TRAF7: variants seen among roughly 807,000 people sequenced by gnomAD.
TRAF7 encodes the protein E3 ubiquitin-protein ligase TRAF7.
TRAF7 carries 45 observed loss-of-function variants against 89.3 expected under a neutral mutation model. The observed-to-expected ratio is 0.50, with a 90% CI of 0.40 to 0.65. The LOEUF is 0.65. Ranked by LOEUF, TRAF7 falls within the 30% of genes least tolerant of loss-of-function variation. The pLI is 0.00. For synonymous variants in TRAF7, 406 were observed against 369.2 expected (o/e 1.10, Z -1.14); for missense variants, 677 against 918.1 (o/e 0.74, Z 3.39).
intron 2 of TRAF7, among the ~76,000 whole-genome samples, chr16:2,164,585 A>C (rs35816): frequency 7.4e-5 from 2 of 27,048 alleles, no homozygotes; most frequent in Admixed American, 4.4e-4. Flanking sequence ...TGTTAGTGCT[A>C]CGTGGCGCGG....
intron 3 of TRAF7, among the ~76,000 whole-genome samples, chr16:2,167,328 G>A (rs1477320123): frequency 7.2e-6 from 1 of 139,690 alleles, no homozygotes; most frequent in Non-Finnish European, 1.6e-5. Context: ...GCCTCTCGAG[G>A]CCTCAATCTC....
Position 2,162,020 on chromosome 16 carries a change from C to T in TRAF7, c.-38-1863C>T, listed in dbSNP as rs1043493370. ...CTGGGTCACACAGGGCCAAGCCCCT[C>T]GAGTCGCAGTGGGGCCTGGGGAAGG... On this transcript the variant is annotated intron_variant, in intron 1 of 20. Coordinates refer to ENST00000326181, the MANE Select transcript of TRAF7 (RefSeq NM_032271.3). The surrounding 1 kb of genome is among the most constrained non-coding windows in gnomAD (Gnocchi z 5.0). 6.6e-6 allele frequency among the ~76,000 whole-genome samples: 1 copy of T among 152,180 alleles called. No individual in the cohort carries two copies. Among genetic ancestry groups the T allele is most frequent in the Non-Finnish European group, 1.5e-5 (1 of 68,032 alleles).
chr16:2,175,994 C>T (rs372471176), intron 18 of TRAF7, 41 bp downstream of exon 18: 7 of 1,611,770 alleles, frequency 4.3e-6, no homozygotes, highest in Non-Finnish European at 5.9e-6. Context: ...GACTGTGGCC[C>T]CGTCTCCCCC....
rs2093065909 is a variant in TRAF7 at position 2,163,569 on chromosome 16, A to G, written c.-38-314A>G. The G allele has an allele frequency of 9.4e-5, 32 of 342,074 alleles. No individual in the cohort carries two copies. The highest frequency in any genetic ancestry group is 8.1e-4 in the South Asian group (32 of 39,576). The allele number at this position is 342,074 out of a possible 1,614,324, so 21.2% of individuals were successfully genotyped here. ...TGACTGGCTGTGACTCAGGACCCAG[A>G]GGAGTAGAGGGAGCCAGGCAGGGGT... On this transcript the variant is annotated intron_variant, in intron 1 of 20. Coordinates refer to ENST00000326181, the MANE Select transcript of TRAF7 (RefSeq NM_032271.3). The surrounding 1 kb of genome is among the most constrained non-coding windows in gnomAD (Gnocchi z 4.3).
rs2093061180 is a variant in TRAF7, at chr16:2,162,296, G to T, written c.-38-1587G>T. 6.6e-6 allele frequency among the ~76,000 whole-genome samples: 1 copy of T among 151,268 alleles called. No homozygotes were observed. Among genetic ancestry groups the T allele is most frequent in the South Asian group, 2.1e-4 (1 of 4,836 alleles). On this transcript the variant is annotated intron_variant, in intron 1 of 20. Transcript: ENST00000326181. This position sits in a 1 kb window ranked among gnomAD's most constrained non-coding sequence, Gnocchi z 5.0. Reference sequence around the variant, plus strand: ...TAGACAGCCCAGGAGCTCAGGTGCAGGGAACCAAGGGCTTGAGAGCCAGCC... The same window carrying T: ...TAGACAGCCCAGGAGCTCAGGTGCATGGAACCAAGGGCTTGAGAGCCAGCC...
Position 2,168,872 on chromosome 16 carries a change from C to T in TRAF7, c.231+704C>T, listed in dbSNP as rs1032953362. On this transcript the variant is annotated intron_variant, in intron 4 of 20. Coordinates refer to ENST00000326181, the MANE Select transcript of TRAF7 (RefSeq NM_032271.3). The surrounding 1 kb of genome is among the most constrained non-coding windows in gnomAD (Gnocchi z 4.1). ...TCTACCCTGGGCATGAAGGACTGGC[C>T]CAGCAGGGGGTGGGGGTGTGTGGGG... is the stretch of plus-strand genomic sequence containing the variant. Among the ~76,000 whole-genome samples the T allele has an allele frequency of 6.6e-6, 1 of 151,884 alleles. No homozygotes were observed. The highest frequency in any genetic ancestry group is 2.4e-5 in the African/African-American group (1 of 41,330).
chr16:2,170,797 C>T (rs2093106216), intron 5 of TRAF7, 67 bp downstream of exon 5: 7 of 1,430,332 alleles, frequency 4.9e-6, no homozygotes, highest in African/African-American at 4.2e-5. Flanking sequence ...CACGGAGGCA[C>T]CTTCCCCTCC....
Position 2,161,983 on chromosome 16 carries a change from C to T in TRAF7, c.-38-1900C>T, listed in dbSNP as rs557397949. Among the ~76,000 whole-genome samples the T allele has an allele frequency of 7.2e-5, 11 of 152,334 alleles. No homozygotes were observed. In the East Asian group the frequency reaches 9.7e-4, roughly 13 times the overall value. On this transcript the variant is annotated intron_variant, in intron 1 of 20. Coordinates refer to ENST00000326181, the MANE Select transcript of TRAF7 (RefSeq NM_032271.3). The surrounding 1 kb of genome is among the most constrained non-coding windows in gnomAD (Gnocchi z 5.2). ...TGCCTCTTCCACAAGAGAAGTCCCC[C>T]GAGAGCCTAGTCTGGGTCACACAGG...
chr16:2,164,266 G>A (rs1021442906), intron 2 of TRAF7, among the ~76,000 whole-genome samples: 145 of 150,322 alleles, frequency 9.6e-4, no homozygotes, highest in Non-Finnish European at 1.4e-3. Flanking sequence ...TGCGTGGCGC[G>A]GCCTGGTCGC....
intron 4 of TRAF7, among the ~76,000 whole-genome samples, chr16:2,170,234 G>A (rs973444240): frequency 2.0e-5 from 3 of 152,212 alleles, no homozygotes; most frequent in African/African-American, 4.8e-5. Flanking sequence ...TCCATCCTGC[G>A]GTCACGGCCT....
Position 2,173,335 on chromosome 16 carries a change from C to G in TRAF7, c.948C>G (p.Arg316=), listed in dbSNP as rs767621614. The G allele has an allele frequency of 7.4e-6, 12 of 1,613,662 alleles. No individual in the cohort carries two copies. The highest frequency in any genetic ancestry group is 8.5e-6 in the Non-Finnish European group (10 of 1,180,030). The change falls in exon 10 of 21, where the codon CGC becomes CGG. Residue 316 remains arginine (R), a synonymous_variant. Coordinates refer to ENST00000326181, the MANE Select transcript of TRAF7 (RefSeq NM_032271.3). ...AQKDQEIAFL[R]SMLGKLSEKI... ...AGGACCAGGAGATCGCCTTCCTGCG[C>G]TCCATGCTGGGAAAGCTCTCGGAGA... is the stretch of plus-strand genomic sequence containing the variant.
chr16:2,171,756 C>T, intron 7 of TRAF7, 151 bp downstream of exon 7: 2 of 1,227,582 alleles, frequency 1.6e-6, no homozygotes, highest in Non-Finnish European at 2.3e-6. Context: ...CCTAGGGACG[C>T]TCAGGCTGAG....
At position 2,177,707 on chromosome 16, in the gene TRAF7, G is replaced by A. The variant is rs575544982; in HGVS notation, c.*1133G>A. The stretch of plus-strand genomic sequence containing the variant: ...CTACATGCCCTGCTTCCACGTGGCT[G>A]CCACGCTGACACACCCACATTCACC... On this transcript the variant is annotated 3_prime_UTR_variant, in exon 21 of 21. Transcript: ENST00000326181. 6.3e-4 allele frequency: 151 copies of A among 240,676 alleles called. No individual in the cohort carries two copies. The highest frequency in any genetic ancestry group is 6.1e-3 in the Middle Eastern group (5 of 816). 14.9% of individuals were successfully genotyped at this position (240,676 alleles called of 1,614,324 possible).
Position 2,176,079 on chromosome 16 carries a change from C to A in TRAF7, c.1777C>A (p.Arg593=). The change falls in exon 19 of 21, where the codon CGG becomes AGG. Residue 593 remains arginine, a synonymous_variant. Transcript: ENST00000326181. Reference sequence around the variant, plus strand: ...GGACATTGAGTCCAAGGAGCAGGTGCGGACCCTCACGGGCCACGTGGGCAC... The same window carrying A: ...GGACATTGAGTCCAAGGAGCAGGTGAGGACCCTCACGGGCCACGTGGGCAC... ...VWDIESKEQV[R]TLTGHVGTVY... 1 of 1,610,176 alleles carries A rather than the reference C, an allele frequency of 6.2e-7. No individual in the cohort carries two copies. Among genetic ancestry groups the A allele is most frequent in the Non-Finnish European group, 8.5e-7 (1 of 1,178,570 alleles).
intron 2 of TRAF7, among the ~76,000 whole-genome samples, chr16:2,164,496 G>T (rs397832126): frequency 9.3e-5 from 12 of 128,714 alleles, no homozygotes; most frequent in Admixed American, 1.6e-4. Context: ...TTAAGCGTGT[G>T]AGTGCTACGT....
At chr16:2,176,477 G>A (rs1232767480) in intron 20 of TRAF7, 83 bp from the exon 21 acceptor site, 1 of 1,613,008 alleles carries the variant, frequency 6.2e-7, no homozygotes, top group African/African-American at 1.3e-5. Flanking sequence ...CAAAGTGGTG[G>A]AGGGCAGGTA....
rs1429498024 is a variant in TRAF7, at chr16:2,171,251, C to G, written c.349-13C>G. 4 of 1,539,058 alleles carry G rather than the reference C, an allele frequency of 2.6e-6. No individual in the cohort carries two copies. The highest frequency in any genetic ancestry group is 3.5e-6 in the Non-Finnish European group (4 of 1,142,286). On this transcript the variant is annotated splice_polypyrimidine_tract_variant and intron_variant, in intron 5 of 20. Transcript: ENST00000326181. ...GCCTCCCGCCATCGCCTGCCTTTCC[C>G]GCTTGGTTCCAGGAGCCACTGGTGT...
At chr16:2,175,645 G>A in intron 17 of TRAF7, 23 bp downstream of exon 17, 2 of 1,607,002 alleles carry the variant, frequency 1.2e-6, no homozygotes, top group South Asian at 1.1e-5. Context: ...ACACCTGGTG[G>A]CCACAGGGCC....
At chr16:2,169,314 C>T (rs1016770898) in intron 4 of TRAF7, among the ~76,000 whole-genome samples, 9 of 152,200 alleles carry the variant, frequency 5.9e-5, no homozygotes, top group African/African-American at 1.9e-4. Flanking sequence ...ATTGAACAAA[C>T]ACACCTGTGT....
Sources: allele counts gnomAD v4.1 joint callset (sites outside exome capture counted in the v4.1 genomes callset), GRCh38; gene constraint gnomAD v4.1.1; non-coding constraint Gnocchi (gnomAD v3.1); transcripts MANE v1.5; gene names NCBI Gene and HGNC (gene_info 2026-07-23, HGNC 2026-07-21).